ELP3: variants seen among roughly 807,000 people sequenced by gnomAD.
ELP3 encodes the protein elongator acetyltransferase complex subunit 3, also known as elongator complex protein 3.
In ELP3, 56 loss-of-function variants were observed where a neutral mutation model predicts 74.9. The observed-to-expected ratio is 0.75, with a 90% CI of 0.60 to 0.93. The LOEUF (loss-of-function observed/expected upper bound fraction) is 0.93, where lower values mean the gene tolerates loss of function less well. Among genes scored for constraint, ELP3 ranks in the 40% least tolerant of loss-of-function variants. The probability of loss-of-function intolerance (pLI) is 0.00; values close to 1 mark genes in which losing one functional copy is unlikely to be tolerated. For synonymous variants in ELP3, 222 were observed against 239.8 expected, an observed-to-expected ratio of 0.93 and a Z score of 0.68; for missense variants, 573 against 686.5, an observed-to-expected ratio of 0.83 and a Z score of 1.85.
At chr8:28,185,614 G>A (rs866851241) in intron 14 of ELP3, among the ~76,000 whole-genome samples, 3 of 152,158 alleles carry the variant, frequency 2.0e-5, no homozygotes, top group Admixed American at 6.5e-5. Flanking sequence ...TGTAGATAGG[G>A]GAAGTATCTG....
intron 5 of ELP3, 66 bp from the exon 6 acceptor site, chr8:28,110,304 C>T (rs1378409702): frequency 7.4e-6 from 10 of 1,359,536 alleles, no homozygotes; most frequent in Non-Finnish European, 1.0e-5. Context: ...TTTTAAAATA[C>T]AGTCCTTTTG....
At chr8:28,099,121 C>T (rs1811369821) in intron 2 of ELP3, among the ~76,000 whole-genome samples, 1 of 152,198 alleles carries the variant, frequency 6.6e-6, no homozygotes, top group South Asian at 2.1e-4. Context: ...GTGAGCACTT[C>T]ACAGATATTT....
chr8:28,122,522 A>G (rs565062944), intron 7 of ELP3, among the ~76,000 whole-genome samples: 2 of 152,300 alleles, frequency 1.3e-5, no homozygotes, highest in African/African-American at 4.8e-5. Context: ...TGTCCATTTT[A>G]AAAAGTTACG....
chr8:28,162,143 T>C, intron 14 of ELP3, 65 bp downstream of exon 14: 1 of 1,517,354 alleles, frequency 6.6e-7, no homozygotes, highest in Non-Finnish European at 9.1e-7. Flanking sequence ...CAGTGAAAAC[T>C]ATGTTGGTAC....
chr8:28,148,121 G>T (rs146748542), intron 10 of ELP3, among the ~76,000 whole-genome samples: 1 of 152,058 alleles, frequency 6.6e-6, no homozygotes, highest in Non-Finnish European at 1.5e-5. Flanking sequence ...TAACTATTTG[G>T]CAACCATTAG....
rs114735522 is a variant in ELP3, at chr8:28,126,842, T to G, written c.618-2660T>G. On this transcript the variant is annotated intron_variant, in intron 7 of 14. Coordinates refer to ENST00000256398, the MANE Select transcript of ELP3 (RefSeq NM_018091.6). The stretch of plus-strand genomic sequence containing the variant: ...AAATGAAGAATCAGATTTGGTGAGA[T>G]GTAGGATTAGATATAGTATCAAAAA... 6.6e-3 allele frequency among the ~76,000 whole-genome samples: 998 copies of G among 152,276 alleles called. 6 individuals are homozygous for G. The highest frequency in any genetic ancestry group is 0.021 in the African/African-American group (855 of 41,544).
intron 2 of ELP3, 128 bp downstream of exon 2, chr8:28,097,446 C>A: frequency 3.4e-6 from 2 of 584,054 alleles, no homozygotes; most frequent in South Asian, 2.5e-5. Context: ...TCTGCCTTGC[C>A]TTGTCATTCA....
In ELP3 at chr8:28,160,324, A is replaced by G. The variant is rs758381358; in HGVS notation, c.1353A>G (p.Leu451=). 3 of 1,614,050 alleles carry G rather than the reference A, an allele frequency of 1.9e-6. No homozygotes were observed. Among genetic ancestry groups the G allele is most frequent in the Admixed American group, 1.7e-5 (1 of 60,006 alleles). ...ATCAAGACATTTTGATTGGCCTCCT[A>G]CGATTACGCAAGTGTTCAGAAGAAA... ...DPDQDILIGL[L]RLRKCSEETF... Residue 451 remains leucine, a synonymous_variant, in exon 13 of 15, where the codon CTA becomes CTG. Transcript: ENST00000256398.
intron 7 of ELP3, among the ~76,000 whole-genome samples, chr8:28,120,907 C>G (rs1416986904): frequency 6.6e-6 from 1 of 152,178 alleles, no homozygotes; most frequent in Admixed American, 6.5e-5. Context: ...AATCCTTATG[C>G]CAGTGCTACA....
chr8:28,170,863 C>G (rs1323710433), intron 14 of ELP3, among the ~76,000 whole-genome samples: 1 of 152,142 alleles, frequency 6.6e-6, no homozygotes, highest in Non-Finnish European at 1.5e-5. Flanking sequence ...AACTGTGAAC[C>G]CATTAAGCAG....
At chr8:28,130,627 G>A (rs975567739) in intron 8 of ELP3, among the ~76,000 whole-genome samples, 2 of 152,214 alleles carry the variant, frequency 1.3e-5, no homozygotes, top group Non-Finnish European at 2.9e-5. Flanking sequence ...GGGAAACTGT[G>A]GAGTGCTGTA....
At chr8:28,165,617 T>C (rs1343613394) in intron 14 of ELP3, among the ~76,000 whole-genome samples, 1 of 152,018 alleles carries the variant, frequency 6.6e-6, no homozygotes, top group Non-Finnish European at 1.5e-5. Context: ...TTTTGGTTAC[T>C]GTTGTGTAAG....
chr8:28,128,335 G>T (rs1165721286), intron 7 of ELP3, among the ~76,000 whole-genome samples: 2 of 152,118 alleles, frequency 1.3e-5, no homozygotes, highest in African/African-American at 4.8e-5. Context: ...AATTAGCTGG[G>T]TGTGGTGGCA....
chr8:28,181,372 G>T (rs1429267296), intron 14 of ELP3, among the ~76,000 whole-genome samples: 1 of 152,188 alleles, frequency 6.6e-6, no homozygotes, highest in Non-Finnish European at 1.5e-5. Flanking sequence ...AATTTATCAA[G>T]TTGTTACTGA....
chr8:28,136,090 T>C (rs1047109216), intron 9 of ELP3, among the ~76,000 whole-genome samples: 10 of 151,742 alleles, frequency 6.6e-5, no homozygotes, highest in East Asian at 1.9e-4. Context: ...GCCTCCTCAA[T>C]AGCTGGGATT....
rs1585693329 is a variant in ELP3, at chr8:28,137,882, G to A, written c.1091G>A (p.Arg364Gln). The change falls in exon 10 of 15, where the codon CGA (arginine) becomes CAA (glutamine). Residue 364 changes from arginine (R) to glutamine (Q), a missense_variant. Coordinates refer to ENST00000256398, the MANE Select transcript of ELP3 (RefSeq NM_018091.6). Reference protein sequence around the residue: ...ALVPPWTRVYRVQRDIPMPLV... With the variant: ...ALVPPWTRVYQVQRDIPMPLV... ...GTGCCTCCATGGACTCGAGTGTACC[G>A]AGTACAGAGGTAGTGTGTTATCTTT... is the stretch of plus-strand genomic sequence containing the variant. 7.5e-6 allele frequency: 12 copies of A among 1,600,928 alleles called. No individual in the cohort carries two copies. Among genetic ancestry groups the A allele is most frequent in the South Asian group, 2.3e-5 (2 of 88,412 alleles).
At position 28,147,603 on chromosome 8, in the gene ELP3, G is replaced by A. The variant is rs567056765; in HGVS notation, c.1101-8339G>A. On this transcript the variant is annotated intron_variant, in intron 10 of 14. Coordinates refer to ENST00000256398, the MANE Select transcript of ELP3 (RefSeq NM_018091.6). This position sits in a 1 kb window ranked among gnomAD's most constrained non-coding sequence, Gnocchi z 4.5. ...ATTTATATATAGAAATAGTTATAGCGTGTATGTTTATATATATAAATATAT... is the reference window on the plus strand; with the variant it reads ...ATTTATATATAGAAATAGTTATAGCATGTATGTTTATATATATAAATATAT... Among the ~76,000 whole-genome samples the A allele has an allele frequency of 1.6e-4, 24 of 152,244 alleles. No homozygotes were observed. The highest frequency in any genetic ancestry group is 3.4e-3 in the Middle Eastern group (1 of 294).
At chr8:28,132,633 T>TG (rs898070261) in intron 9 of ELP3, among the ~76,000 whole-genome samples, 11 of 152,182 alleles carry the variant, frequency 7.2e-5, no homozygotes, top group African/African-American at 1.9e-4. Flanking sequence ...ATAGGTTTTT[T>TG]GGGGGGTGAG....
intron 14 of ELP3, among the ~76,000 whole-genome samples, chr8:28,177,958 G>A (rs1462271652): frequency 1.3e-5 from 2 of 152,118 alleles, no homozygotes; most frequent in East Asian, 1.9e-4. Context: ...CACAACCCTG[G>A]CTCACTTGTT....
Sources: allele counts gnomAD v4.1 joint callset (sites outside exome capture counted in the v4.1 genomes callset), GRCh38; gene constraint gnomAD v4.1.1; non-coding constraint Gnocchi (gnomAD v3.1); transcripts MANE v1.5; gene names NCBI Gene and HGNC (gene_info 2026-07-23, HGNC 2026-07-21).